Variants in PLB1 observed in about 807,000 individuals in gnomAD.
PLB1 encodes the protein phospholipase B1, membrane-associated.
Under a neutral mutation model 227.4 loss-of-function variants are expected in PLB1, and 242 were observed. The observed-to-expected ratio is 1.06, with a 90% CI of 0.96 to 1.18. The LOEUF is 1.18. Ranked by LOEUF, PLB1 falls within the 50% of genes most tolerant of loss-of-function variation. The probability of loss-of-function intolerance (pLI) is 0.00; values close to 1 mark genes in which losing one functional copy is unlikely to be tolerated. For synonymous variants in PLB1, 757 were observed against 682.2 expected (o/e 1.11, Z -1.71); for missense variants, 1,858 against 1,816.3 (o/e 1.02, Z -0.42).
At chr2:28,496,190 G>C in intron 1 of PLB1, 21 bp downstream of exon 1, 1 of 1,612,442 alleles carries the variant, frequency 6.2e-7, no homozygotes, top group Non-Finnish European at 8.5e-7. Flanking sequence ...CTTTTGCTCA[G>C]AGGACAACCA....
intron 4 of PLB1, among the ~76,000 whole-genome samples, chr2:28,521,583 A>G (rs879230216): frequency 6.6e-6 from 1 of 152,162 alleles, no homozygotes; most frequent in Non-Finnish European, 1.5e-5. Context: ...ACTTGTTGTT[A>G]ATAAATTCTA....
At chr2:28,535,828 A>G (rs1353990053) in intron 9 of PLB1, among the ~76,000 whole-genome samples, 1 of 152,130 alleles carries the variant, frequency 6.6e-6, no homozygotes, top group Non-Finnish European at 1.5e-5. Context: ...GGCTGAGGCA[A>G]CAGAATCACT....
chr2:28,616,588 A>G (rs965359038), intron 44 of PLB1, among the ~76,000 whole-genome samples: 13 of 152,232 alleles, frequency 8.5e-5, no homozygotes, highest in African/African-American at 2.9e-4. Context: ...CTGTTAATCT[A>G]CATGGAATAT....
rs749307605 is a variant in PLB1 at position 28,625,045 on chromosome 2, C to T, written c.3528-12C>T. 20 of 1,612,038 alleles carry T rather than the reference C, an allele frequency of 1.2e-5. No homozygotes were observed. In the South Asian group the frequency reaches 1.5e-4, roughly 12 times the overall value. ...GCCGGCACTAACGCCCCTCTCTCTACCCCCCACCTAGGGACATGCCAGCCC... is the reference window on the plus strand; with the variant it reads ...GCCGGCACTAACGCCCCTCTCTCTATCCCCCACCTAGGGACATGCCAGCCC... On this transcript the variant is annotated splice_polypyrimidine_tract_variant and intron_variant, in intron 49 of 57. Coordinates refer to ENST00000327757, the MANE Select transcript of PLB1 (RefSeq NM_153021.5).
Position 28,601,886 on chromosome 2 carries a change from T to C in PLB1, c.2608-13T>C, listed in dbSNP as rs1403580869. On this transcript the variant is annotated splice_polypyrimidine_tract_variant and intron_variant, in intron 37 of 57. Transcript: ENST00000327757. ...ACCAGTTCCTCCTTTTCCTCCTTCC[T>C]GTCTCTTTCTAGAATCTGTATTCTG... The C allele has an allele frequency of 6.3e-6, 10 of 1,591,812 alleles. No individual in the cohort carries two copies. The highest frequency in any genetic ancestry group is 6.0e-6 in the Non-Finnish European group (7 of 1,160,056).
intron 26 of PLB1, among the ~76,000 whole-genome samples, chr2:28,589,025 C>T (rs1277593142): frequency 2.0e-5 from 3 of 151,882 alleles, no homozygotes; most frequent in African/African-American, 4.8e-5. Flanking sequence ...ATTAGCCAGG[C>T]GTGGTGGCAG....
intron 33 of PLB1, chr2:28,593,958 T>TTTTA (rs1553447276): frequency 2.7e-6 from 2 of 740,786 alleles, no homozygotes; most frequent in African/African-American, 1.8e-5. Flanking sequence ...TTTTTTTTTT[T>TTTTA]TTTGATTGTG....
At chr2:28,626,383 G>A in intron 50 of PLB1, 45 bp from the exon 51 acceptor site, 1 of 1,541,878 alleles carries the variant, frequency 6.5e-7, no homozygotes, top group Non-Finnish European at 9.0e-7. Flanking sequence ...ACATTTGTAT[G>A]TGCCTCCCAC....
At chr2:28,550,147 G>T in intron 16 of PLB1, 63 bp downstream of exon 16, 3 of 1,218,800 alleles carry the variant, frequency 2.5e-6, no homozygotes, top group South Asian at 1.4e-5. Context: ...ACTTCTTGCT[G>T]AATCTTTCGA....
intron 21 of PLB1, among the ~76,000 whole-genome samples, chr2:28,576,006 C>T (rs1678865572): frequency 6.6e-6 from 1 of 152,270 alleles, no homozygotes; most frequent in South Asian, 2.1e-4. Context: ...CAGTTGTAAG[C>T]ATGATTAGGT....
intron 35 of PLB1, 37 bp downstream of exon 35, chr2:28,598,797 G>A (rs377082619): frequency 2.0e-6 from 3 of 1,529,902 alleles, no homozygotes; most frequent in African/African-American, 1.4e-5. Context: ...CTGCAGAGCA[G>A]GGAGTGGAAT....
At chr2:28,614,659 T>C (rs900229056) in intron 44 of PLB1, among the ~76,000 whole-genome samples, 1 of 152,192 alleles carries the variant, frequency 6.6e-6, no homozygotes, top group African/African-American at 2.4e-5. Flanking sequence ...CCCCGGACTA[T>C]ACCATGACTG....
intron 21 of PLB1, among the ~76,000 whole-genome samples, chr2:28,575,490 C>A (rs954233234): frequency 6.6e-6 from 1 of 152,160 alleles, no homozygotes; most frequent in African/African-American, 2.4e-5. Flanking sequence ...AGACCATGAG[C>A]CACCTAAGTA....
At position 28,530,191 on chromosome 2, in the gene PLB1, TGTG is replaced by T. The variant is rs1009225909; in HGVS notation, c.468+415_468+417del. Among the ~76,000 whole-genome samples the T allele has an allele frequency of 3.7e-4, 56 of 152,258 alleles. 1 individual carries two copies. The highest frequency in any genetic ancestry group is 1.3e-3 in the African/African-American group (54 of 41,548). On this transcript the variant is annotated intron_variant, in intron 8 of 57. Coordinates refer to ENST00000327757, the MANE Select transcript of PLB1 (RefSeq NM_153021.5). Reference sequence around the variant, plus strand: ...CCATCCTCTTCAGAATGGTTTTCCTTGTGGTCGTGCTGAAAGTCAGCAGATGGA... The same window carrying T: ...CCATCCTCTTCAGAATGGTTTTCCTTGTCGTGCTGAAAGTCAGCAGATGGA...
intron 33 of PLB1, 114 bp downstream of exon 33, chr2:28,593,868 C>A: frequency 1.1e-6 from 1 of 934,280 alleles, no homozygotes; most frequent in South Asian, 1.4e-5. Context: ...CTGGAAGGGG[C>A]TTTCAGAAAG....
intron 1 of PLB1, among the ~76,000 whole-genome samples, chr2:28,511,309 T>C (rs1404357661): frequency 6.6e-6 from 1 of 152,246 alleles, no homozygotes; most frequent in Non-Finnish European, 1.5e-5. Flanking sequence ...TTGTGTTTTT[T>C]TTTCTAATGA....
chr2:28,626,184 CG>C (rs1687747266), intron 50 of PLB1, among the ~76,000 whole-genome samples: 1 of 151,826 alleles, frequency 6.6e-6, no homozygotes, highest in Admixed American at 6.6e-5. Context: ...TTAGTGGAGA[CG>C]GGGTTTCATC....
intron 6 of PLB1, 86 bp downstream of exon 6, chr2:28,526,031 A>ACCC: frequency 6.9e-7 from 1 of 1,444,046 alleles, no homozygotes. Context: ...GAGAATGGAC[A>ACCC]CCACCAGCCA....
At chr2:28,574,386 T>TTTC in intron 21 of PLB1, among the ~76,000 whole-genome samples, 1 of 126,892 alleles carries the variant, frequency 7.9e-6, no homozygotes, top group Non-Finnish European at 1.7e-5. Flanking sequence ...ATATCATTCT[T>TTTC]TTTTTTTTTT....
Sources: gnomAD v4.1 joint callset for allele counts (sites outside exome capture counted in the v4.1 genomes callset) on GRCh38, gnomAD v4.1.1 for gene constraint, MANE v1.5 for transcripts, NCBI Gene and HGNC (gene_info 2026-07-23, HGNC 2026-07-21) for gene names.